The following PALD1 variants were observed in gnomAD, a reference collection of about 807,000 sequenced individuals.
PALD1 encodes paladin.
PALD1 carries 57 observed loss-of-function variants against 96.0 expected under a neutral mutation model. The observed-to-expected ratio is 0.59, with a 90% CI of 0.48 to 0.74. The LOEUF is 0.74. Ranked by LOEUF, PALD1 falls within the 30% of genes least tolerant of loss-of-function variation. The pLI is 0.00. For synonymous variants in PALD1, 464 were observed against 473.6 expected (o/e 0.98, Z 0.26); for missense variants, 1,063 against 1,143.7 (o/e 0.93, Z 1.02).
intron 18 of PALD1, among the ~76,000 whole-genome samples, chr10:70,547,808 G>A (rs1200251138): frequency 2.0e-5 from 3 of 151,940 alleles, no homozygotes; most frequent in South Asian, 2.1e-4. Context: ...GGGTCCTGGC[G>A]GGGGGACCAG....
chr10:70,564,053 G>T lies in PALD1; in HGVS notation c.2263-311G>T, dbSNP rs555519519. On this transcript the variant is annotated intron_variant, in intron 18 of 19. Coordinates refer to ENST00000263563, the MANE Select transcript of PALD1 (RefSeq NM_014431.3). Reference sequence around the variant, plus strand: ...CTCAGCATACCTCAGGCGCCATGCAGGGTATCTACAATGAGCTCTCCTGCT... The same window carrying T: ...CTCAGCATACCTCAGGCGCCATGCATGGTATCTACAATGAGCTCTCCTGCT... 2.0e-5 allele frequency among the ~76,000 whole-genome samples: 3 copies of T among 152,272 alleles called. No homozygotes were observed. The East Asian group carries it at 5.8e-4, about 29-fold the overall frequency.
intron 1 of PALD1, among the ~76,000 whole-genome samples, chr10:70,494,626 G>A (rs1308248695): frequency 1.3e-5 from 2 of 152,222 alleles, no homozygotes; most frequent in African/African-American, 4.8e-5. Context: ...GGTAATTATG[G>A]AACTGGCAGC....
intron 6 of PALD1, 85 bp from the exon 7 acceptor site, chr10:70,532,909 AT>A (rs1223474859): frequency 2.6e-6 from 4 of 1,513,758 alleles, no homozygotes; most frequent in African/African-American, 2.8e-5. Flanking sequence ...AGTGGGGCCC[AT>A]TTCCAAACAG....
At chr10:70,552,046 T>C (rs1051641912) in intron 18 of PALD1, among the ~76,000 whole-genome samples, 1 of 152,218 alleles carries the variant, frequency 6.6e-6, no homozygotes, top group African/African-American at 2.4e-5. Context: ...TCACCTAGGC[T>C]GTGTTTATGC....
chr10:70,553,810 A>G (rs1319211118), intron 18 of PALD1, among the ~76,000 whole-genome samples: 1 of 152,180 alleles, frequency 6.6e-6, no homozygotes, highest in Admixed American at 6.5e-5. Context: ...TGCTGCAGGG[A>G]AACAGAACTG....
In PALD1 at chr10:70,567,138, G is replaced by A. The variant is rs3740443; in HGVS notation, c.*405G>A. On this transcript the variant is annotated 3_prime_UTR_variant, in exon 20 of 20. Transcript: ENST00000263563. ...GCAGCCCCTGGCACAGAGCAGACCC[G>A]GCCACTGGTAGCTCCCCACTTCCTT... The A allele has an allele frequency of 0.027, 4,733 of 172,470 alleles. 220 individuals are homozygous for A. Among genetic ancestry groups the A allele is most frequent in the African/African-American group, 0.1 (4,305 of 42,186 alleles). 10.7% of individuals were successfully genotyped at this position (172,470 alleles called of 1,614,324 possible).
At chr10:70,464,302 C>T in the PALD1 span, among the ~76,000 whole-genome samples, 1 of 151,352 alleles carries the variant, frequency 6.6e-6, no homozygotes, top group East Asian at 1.9e-4. Context: ...ACCTCTACCT[C>T]CCGGGTTCAA....
chr10:70,502,950 G>A (rs546847070), intron 1 of PALD1, among the ~76,000 whole-genome samples: 55 of 152,062 alleles, frequency 3.6e-4, no homozygotes, highest in Non-Finnish European at 6.2e-4. Context: ...GCGTGATCTC[G>A]GCTCACTGCA....
At chr10:70,521,350 C>G (rs935858694) in intron 1 of PALD1, among the ~76,000 whole-genome samples, 8 of 152,046 alleles carry the variant, frequency 5.3e-5, no homozygotes, top group African/African-American at 1.9e-4. Context: ...CTGTCCTCAT[C>G]TGAAAATGGA....
At chr10:70,554,932 TC>T (rs1320857575) in intron 18 of PALD1, among the ~76,000 whole-genome samples, 5 of 3,044 alleles carry the variant, frequency 1.6e-3, no homozygotes, top group Non-Finnish European at 2.0e-3. Flanking sequence ...CTCCCCCTCC[TC>T]CCCCTCCCCT....
intron 17 of PALD1, 53 bp downstream of exon 17, chr10:70,541,587 G>A (rs951361838): frequency 5.9e-6 from 8 of 1,347,772 alleles, no homozygotes; most frequent in South Asian, 1.2e-5. Context: ...AGGAGGAGGA[G>A]GACTCCTGCT....
intron 18 of PALD1, among the ~76,000 whole-genome samples, chr10:70,563,866 A>G (rs1247817223): frequency 6.6e-6 from 1 of 152,196 alleles, no homozygotes; most frequent in Non-Finnish European, 1.5e-5. Context: ...GGCGCCTCCC[A>G]GGCCACTGGT....
intron 1 of PALD1, among the ~76,000 whole-genome samples, chr10:70,501,890 C>T (rs1846305968): frequency 6.7e-6 from 1 of 150,292 alleles, no homozygotes; most frequent in Non-Finnish European, 1.5e-5. Context: ...AGGCCTCCCC[C>T]TTTTTAATGG....
intron 18 of PALD1, among the ~76,000 whole-genome samples, chr10:70,559,952 G>A (rs552445517): frequency 6.6e-5 from 10 of 152,286 alleles, no homozygotes; most frequent in African/African-American, 2.2e-4. Context: ...CTGAGCGCCT[G>A]CCACATACCA....
At chr10:70,502,985 A>G (rs1163946215) in intron 1 of PALD1, among the ~76,000 whole-genome samples, 2 of 152,042 alleles carry the variant, frequency 1.3e-5, no homozygotes, top group Admixed American at 6.5e-5. Context: ...GGTTCAAGCA[A>G]TTCTCCAGCC....
chr10:70,474,459 C>G (rs4746038), upstream of PALD1, among the ~76,000 whole-genome samples: 143,275 of 152,198 alleles, frequency 0.94, 67,565 homozygotes, highest in East Asian at 1. Context: ...TACTCGGGAG[C>G]CTGAGGCAGG....
chr10:70,542,814 G>A (rs750134323), intron 17 of PALD1, among the ~76,000 whole-genome samples: 11 of 152,278 alleles, frequency 7.2e-5, no homozygotes, highest in Non-Finnish European at 1.6e-4. Flanking sequence ...GGATCCTATC[G>A]TAATTCTGTT....
chr10:70,494,085 C>T (rs896248121), intron 1 of PALD1, among the ~76,000 whole-genome samples: 2 of 152,138 alleles, frequency 1.3e-5, no homozygotes, highest in East Asian at 1.9e-4. Context: ...CTTTCAATAC[C>T]CTAGGAACGC....
the PALD1 span, among the ~76,000 whole-genome samples, chr10:70,470,975 T>A: frequency 6.8e-3 from 996 of 147,546 alleles, 12 homozygotes; most frequent in African/African-American, 0.024. Flanking sequence ...CTAATTTAGT[T>A]TTTTTTTTTT....
Sources: allele counts gnomAD v4.1 joint callset (sites outside exome capture counted in the v4.1 genomes callset), GRCh38; gene constraint gnomAD v4.1.1; transcripts MANE v1.5; gene names NCBI Gene and HGNC (gene_info 2026-07-23, HGNC 2026-07-21).